Variants in CDKAL1 observed in about 807,000 individuals in gnomAD.
The protein encoded by CDKAL1 is CDKAL1 threonylcarbamoyladenosine tRNA methylthiotransferase, also known as threonylcarbamoyladenosine tRNA methylthiotransferase.
Under a neutral mutation model 68.2 loss-of-function variants are expected in CDKAL1, and 32 were observed. The observed-to-expected ratio is 0.47, with a 90% CI of 0.35 to 0.63. The LOEUF is 0.63. Among genes scored for constraint, CDKAL1 ranks in the 30% least tolerant of loss-of-function variants. CDKAL1 has a pLI of 0.00. For synonymous variants in CDKAL1, 234 were observed against 244.3 expected, an observed-to-expected ratio of 0.96 and a Z score of 0.39; for missense variants, 606 against 696.7, an observed-to-expected ratio of 0.87 and a Z score of 1.47.
At chr6:20,609,503 C>T (rs1163888654) in intron 4 of CDKAL1, among the ~76,000 whole-genome samples, 4 of 151,062 alleles carry the variant, frequency 2.6e-5, no homozygotes, top group Non-Finnish European at 4.4e-5. Context: ...TCAAGTGATT[C>T]TCCTGCCTCA....
chr6:21,206,382 G>A (rs1292121176), intron 15 of CDKAL1, among the ~76,000 whole-genome samples: 1 of 152,092 alleles, frequency 6.6e-6, no homozygotes, highest in Non-Finnish European at 1.5e-5. Context: ...GCGACAATGT[G>A]AACATTACTG....
chr6:20,557,548 T>C (rs1002267257), intron 4 of CDKAL1, among the ~76,000 whole-genome samples: 1 of 152,188 alleles, frequency 6.6e-6, no homozygotes, highest in African/African-American at 2.4e-5. Flanking sequence ...ACTATATATA[T>C]GTATACATAT....
intron 4 of CDKAL1, among the ~76,000 whole-genome samples, chr6:20,624,692 G>A (rs1276708663): frequency 6.6e-6 from 1 of 151,914 alleles, no homozygotes; most frequent in East Asian, 1.9e-4. Flanking sequence ...AAAAAACTGT[G>A]GCATGAACAT....
At chr6:20,784,412 CTTTTTTTTTTT>C (rs1175015329) in intron 8 of CDKAL1, among the ~76,000 whole-genome samples, 43 of 33,492 alleles carry the variant, frequency 1.3e-3, no homozygotes, top group African/African-American at 3.9e-3. Context: ...TATTTTATTT[CTTTTTTTTTTT>C]TTTTTTTTTT....
chr6:20,764,086 A>G (rs12190376), intron 7 of CDKAL1, among the ~76,000 whole-genome samples: 60,215 of 151,940 alleles, frequency 0.4, 12,183 homozygotes, highest in Non-Finnish European at 0.43. Flanking sequence ...TTTTTTTTGT[A>G]TGAAAACTAT....
intron 8 of CDKAL1, among the ~76,000 whole-genome samples, chr6:20,818,812 A>T (rs953475262): frequency 1.6e-4 from 24 of 151,842 alleles, no homozygotes. Flanking sequence ...TCACAGTGAG[A>T]TAATGTAATA....
At chr6:21,000,450 G>C (rs1767368706) in intron 11 of CDKAL1, 78 bp downstream of exon 11, 1 of 1,258,326 alleles carries the variant, frequency 7.9e-7, no homozygotes, top group East Asian at 2.3e-5. Flanking sequence ...ACTTATTGCA[G>C]CCTTACAATT....
intron 5 of CDKAL1, among the ~76,000 whole-genome samples, chr6:20,665,861 A>G (rs1181902571): frequency 6.6e-6 from 1 of 152,092 alleles, no homozygotes; most frequent in Non-Finnish European, 1.5e-5. Context: ...GAACTCATGC[A>G]GGTCGTGTGG....
At chr6:20,547,384 GA>G (rs1333071788) in intron 3 of CDKAL1, among the ~76,000 whole-genome samples, 1 of 152,128 alleles carries the variant, frequency 6.6e-6, no homozygotes, top group Non-Finnish European at 1.5e-5. Context: ...ATTCTTATGA[GA>G]CAGTAGTATT....
intron 12 of CDKAL1, among the ~76,000 whole-genome samples, chr6:21,093,094 G>A (rs1773128342): frequency 6.6e-6 from 1 of 152,162 alleles, no homozygotes; most frequent in African/African-American, 2.4e-5. Context: ...AATGACTGAA[G>A]GTCATGAATT....
At chr6:21,197,633 AT>A (rs1275021013) in intron 13 of CDKAL1, among the ~76,000 whole-genome samples, 1 of 152,200 alleles carries the variant, frequency 6.6e-6, no homozygotes, top group Non-Finnish European at 1.5e-5. Context: ...ATTTTCATGA[AT>A]TTGGATTAGA....
At chr6:20,929,815 A>T (rs1050121615) in intron 9 of CDKAL1, among the ~76,000 whole-genome samples, 1 of 152,150 alleles carries the variant, frequency 6.6e-6, no homozygotes, top group Non-Finnish European at 1.5e-5. Context: ...CTGAGGGCTG[A>T]CTCAGTCAAC....
chr6:20,732,912 ATACGTATCCTCAT>A (rs1773022658), intron 5 of CDKAL1, among the ~76,000 whole-genome samples: 1 of 152,222 alleles, frequency 6.6e-6, no homozygotes, highest in South Asian at 2.1e-4. Flanking sequence ...AGAAGTCTGT[ATACGTATCCTCAT>A]TTCTTCCCCT....
At chr6:21,218,241 T>A (rs537703204) in intron 15 of CDKAL1, among the ~76,000 whole-genome samples, 3 of 152,354 alleles carry the variant, frequency 2.0e-5, no homozygotes, top group Non-Finnish European at 4.4e-5. Flanking sequence ...GAAAACTTTA[T>A]TGAAAGTCTG....
chr6:20,586,988 T>TG (rs1554157994), intron 4 of CDKAL1, among the ~76,000 whole-genome samples: 2 of 138,764 alleles, frequency 1.4e-5, no homozygotes, highest in East Asian at 2.1e-4. Context: ...GTTTTTTTTT[T>TG]TTTTTTTTTT....
intron 15 of CDKAL1, among the ~76,000 whole-genome samples, chr6:21,202,876 A>T (rs536984573): frequency 3.5e-4 from 54 of 152,268 alleles, no homozygotes; most frequent in African/African-American, 1.3e-3. Flanking sequence ...CAGTTCTACC[A>T]CCAGCCCAGC....
intron 15 of CDKAL1, among the ~76,000 whole-genome samples, chr6:21,222,999 T>G (rs16884699): frequency 0.071 from 10,853 of 152,122 alleles, 1,096 homozygotes; most frequent in African/African-American, 0.23. Context: ...CAATTACAAA[T>G]TCGCAACGTG....
intron 9 of CDKAL1, among the ~76,000 whole-genome samples, chr6:20,867,734 T>C (rs1040269073): frequency 3.3e-5 from 5 of 152,232 alleles, no homozygotes; most frequent in Admixed American, 6.5e-5. Flanking sequence ...CCTGTTTCTC[T>C]GATTTTACAT....
chr6:21,092,678 T>TGA (rs1465627504), intron 12 of CDKAL1, among the ~76,000 whole-genome samples: 1 of 131,606 alleles, frequency 7.6e-6, no homozygotes, highest in Non-Finnish European at 1.6e-5. Flanking sequence ...AGGAATGGAG[T>TGA]GAGAGAGAAA....
Sources: allele counts gnomAD v4.1 joint callset (sites outside exome capture counted in the v4.1 genomes callset), GRCh38; gene constraint gnomAD v4.1.1; transcripts MANE v1.5; gene names NCBI Gene and HGNC (gene_info 2026-07-23, HGNC 2026-07-21).